Variants in MTUS2 observed in about 807,000 individuals in gnomAD.
The protein encoded by MTUS2 is microtubule associated scaffold protein 2.
Under a neutral mutation model 114.1 loss-of-function variants are expected in MTUS2, and 40 were observed. That is an observed-to-expected ratio of 0.35 (90% CI 0.27 to 0.46). The LOEUF (loss-of-function observed/expected upper bound fraction) is 0.46, where lower values mean the gene tolerates loss of function less well. Ranked by LOEUF, MTUS2 falls within the 20% of genes least tolerant of loss-of-function variation. The pLI, the probability that MTUS2 is intolerant of heterozygous loss-of-function variation, is 1.00. For synonymous variants in MTUS2, 688 were observed against 672.0 expected, an observed-to-expected ratio of 1.02 and a Z score of -0.37; for missense variants, 1,679 against 1,705.4, an observed-to-expected ratio of 0.98 and a Z score of 0.27.
At chr13:29,219,556 G>T (rs1895823651) in intron 5 of MTUS2, among the ~76,000 whole-genome samples, 1 of 152,158 alleles carries the variant, frequency 6.6e-6, no homozygotes, top group South Asian at 2.1e-4. Flanking sequence ...TAACAAGAGA[G>T]TTAGCCTGTC....
intron 9 of MTUS2, among the ~76,000 whole-genome samples, chr13:29,441,982 G>C (rs1264886302): frequency 6.6e-6 from 1 of 152,190 alleles, no homozygotes; most frequent in Non-Finnish European, 1.5e-5. Context: ...TCAGTTGGAG[G>C]TGACTCTGAG....
chr13:28,987,609 T>C (rs2138321988), intron 2 of MTUS2, among the ~76,000 whole-genome samples: 1 of 152,296 alleles, frequency 6.6e-6, no homozygotes, highest in African/African-American at 2.4e-5. Flanking sequence ...GGGCCGTCCC[T>C]GAGACACATG....
chr13:29,378,699 A>C (rs1383501331), intron 8 of MTUS2, among the ~76,000 whole-genome samples: 1 of 152,208 alleles, frequency 6.6e-6, no homozygotes, highest in African/African-American at 2.4e-5. Flanking sequence ...CATGCTAGGA[A>C]AGGGAATCAC....
At chr13:28,831,383 C>A (rs528268462) in intron 1 of MTUS2, among the ~76,000 whole-genome samples, 1 of 152,256 alleles carries the variant, frequency 6.6e-6, no homozygotes, top group Admixed American at 6.5e-5. Flanking sequence ...CATGACTCAA[C>A]TATATGCCAT....
intron 5 of MTUS2, among the ~76,000 whole-genome samples, chr13:29,213,910 CT>C (rs1259056131): frequency 6.6e-6 from 1 of 151,158 alleles, no homozygotes; most frequent in Non-Finnish European, 1.5e-5. Context: ...TTACTGCCTC[CT>C]TTTGGCACTG....
intron 7 of MTUS2, among the ~76,000 whole-genome samples, chr13:29,353,251 C>T (rs1379250638): frequency 6.6e-6 from 1 of 152,276 alleles, no homozygotes; most frequent in East Asian, 1.9e-4. Context: ...CTCATTGCAG[C>T]CTCAACTTCC....
intron 2 of MTUS2, among the ~76,000 whole-genome samples, chr13:28,934,005 A>G (rs1049180025): frequency 2.0e-5 from 3 of 152,240 alleles, no homozygotes; most frequent in African/African-American, 7.2e-5. Flanking sequence ...TTTAATTGCA[A>G]CAAATTCTGA....
intron 5 of MTUS2, among the ~76,000 whole-genome samples, chr13:29,142,839 G>T (rs1421554563): frequency 1.3e-5 from 2 of 152,230 alleles, no homozygotes; most frequent in Non-Finnish European, 2.9e-5. Context: ...CAGTTGAGTT[G>T]TCAAACATAA....
chr13:29,467,633 T>G (rs1879981430), intron 9 of MTUS2, among the ~76,000 whole-genome samples: 1 of 152,176 alleles, frequency 6.6e-6, no homozygotes, highest in South Asian at 2.1e-4. Context: ...CAGCATTTTT[T>G]TTTCTTTGCA....
intron 2 of MTUS2, among the ~76,000 whole-genome samples, chr13:28,987,784 C>T (rs1302278461): frequency 2.0e-5 from 3 of 152,182 alleles, no homozygotes; most frequent in Non-Finnish European, 2.9e-5. Flanking sequence ...GCACACATCC[C>T]GTTGCAGAAC....
chr13:29,066,807 A>G (rs61945810), intron 4 of MTUS2, among the ~76,000 whole-genome samples: 54 of 152,268 alleles, frequency 3.5e-4, no homozygotes, highest in Non-Finnish European at 6.8e-4. Context: ...AGAGATGAAT[A>G]CTTGATGGAG....
chr13:29,045,704 C>A (rs2077274), intron 4 of MTUS2, among the ~76,000 whole-genome samples: 2,330 of 152,218 alleles, frequency 0.015, 62 homozygotes, highest in African/African-American at 0.051. Context: ...GATGATGATG[C>A]TTCTTTTTTC....
chr13:29,214,657 T>C (rs550829790), intron 5 of MTUS2, among the ~76,000 whole-genome samples: 2 of 152,336 alleles, frequency 1.3e-5, no homozygotes, highest in East Asian at 3.9e-4. Context: ...GAGTTGAAAA[T>C]TCTTTTCTTT....
intron 8 of MTUS2, among the ~76,000 whole-genome samples, chr13:29,363,026 C>T (rs1005978706): frequency 3.9e-5 from 6 of 152,196 alleles, no homozygotes. Context: ...GTATGTTCCT[C>T]ACCACGGGCC....
At chr13:29,463,121 C>T (rs565988137) in intron 9 of MTUS2, among the ~76,000 whole-genome samples, 1 of 152,210 alleles carries the variant, frequency 6.6e-6, no homozygotes, top group South Asian at 2.1e-4. Context: ...AGATTCTGCA[C>T]TGTTGGTGCA....
chr13:29,039,528 C>T (rs1887253267), intron 4 of MTUS2, among the ~76,000 whole-genome samples: 1 of 152,252 alleles, frequency 6.6e-6, no homozygotes, highest in Non-Finnish European at 1.5e-5. Flanking sequence ...GCTCAGGCTT[C>T]TATCCTTCCC....
intron 7 of MTUS2, among the ~76,000 whole-genome samples, chr13:29,329,975 G>T (rs1435705764): frequency 6.6e-6 from 1 of 152,160 alleles, no homozygotes; most frequent in African/African-American, 2.4e-5. Context: ...TAATGGAATT[G>T]TTGGGTCAAA....
intron 2 of MTUS2, among the ~76,000 whole-genome samples, chr13:28,996,879 A>T (rs960624877): frequency 1.4e-4 from 21 of 151,488 alleles, no homozygotes; most frequent in Non-Finnish European, 3.1e-4. Context: ...TTTTGAAGGG[A>T]TTTTTGTGTC....
chr13:29,480,150 C>G lies in MTUS2; in HGVS notation c.3185C>G (p.Ala1062Gly), dbSNP rs1388548345. ...GAAAGATCTTGTGCTTTGCGCCCAG[C>G]CTTCCATACAGCAAAGTGCGAGAAA... ...IELANIRDEVAFHTAKCEKLQ... is the reference protein window; with the variant it reads ...IELANIRDEVGFHTAKCEKLQ... The change falls in exon 10 of 16, where the codon GCC becomes GGC. Residue 1062 changes from alanine (A) to glycine (G), a missense_variant and splice_region_variant. Transcript: ENST00000612955. The surrounding 1 kb of genome is among the most constrained non-coding windows in gnomAD (Gnocchi z 4.4). The G allele has an allele frequency of 1.3e-6, 2 of 1,552,550 alleles. No individual in the cohort carries two copies. The highest frequency in any genetic ancestry group is 2.0e-5 in the Admixed American group (1 of 51,126).
Sources: allele counts gnomAD v4.1 joint callset (sites outside exome capture counted in the v4.1 genomes callset), GRCh38; gene constraint gnomAD v4.1.1; non-coding constraint Gnocchi (gnomAD v3.1); transcripts MANE v1.5; gene names NCBI Gene and HGNC (gene_info 2026-07-23, HGNC 2026-07-21).